DPYSL5: variants seen among roughly 807,000 people sequenced by gnomAD.
The protein encoded by DPYSL5 is dihydropyrimidinase-related protein 5.
In DPYSL5, 9 loss-of-function variants were observed where a neutral mutation model predicts 58.4. That is an observed-to-expected ratio of 0.15 (90% confidence interval 0.09 to 0.27). DPYSL5 has a LOEUF of 0.27. Among genes scored for constraint, DPYSL5 ranks in the 10% least tolerant of loss-of-function variants. The probability of loss-of-function intolerance (pLI) is 1.00; values close to 1 mark genes in which losing one functional copy is unlikely to be tolerated. For missense variants in DPYSL5, 499 were observed against 770.6 expected (o/e 0.65, Z 4.17); for synonymous variants, 293 against 301.9 (o/e 0.97, Z 0.31).
intron 1 of DPYSL5, among the ~76,000 whole-genome samples, chr2:26,866,826 G>A (rs1666155109): frequency 6.6e-6 from 1 of 151,056 alleles, no homozygotes; most frequent in South Asian, 2.1e-4. Flanking sequence ...CCGTCTCCCG[G>A]GTTCAAGTGA....
rs1008928857 is a variant in DPYSL5, at chr2:26,849,090, A to C, written c.-5+836A>C. Reference sequence around the variant, plus strand: ...GCTGGGGAGCTGGGTTAGGACAGGTAGTGGGTCTCGGGGAGCAGGGAGTGG... The same window carrying C: ...GCTGGGGAGCTGGGTTAGGACAGGTCGTGGGTCTCGGGGAGCAGGGAGTGG... On this transcript the variant is annotated intron_variant, in intron 1 of 12. Transcript: ENST00000288699. The surrounding 1 kb of genome is among the most constrained non-coding windows in gnomAD (Gnocchi z 6.2). Among the ~76,000 whole-genome samples the C allele has an allele frequency of 7.7e-6, 1 of 129,570 alleles. No individual in the cohort carries two copies. The highest frequency in any genetic ancestry group is 1.6e-5 in the Non-Finnish European group (1 of 60,976). The allele number at this position is 129,570 out of a possible 152,430, so 85.0% of individuals were successfully genotyped here.
chr2:26,924,477 A>G lies in DPYSL5; in HGVS notation c.262-410A>G, dbSNP rs1664778057. Among the ~76,000 whole-genome samples, 1 of 150,716 alleles carries G rather than the reference A, an allele frequency of 6.6e-6. No individual in the cohort carries two copies. Among genetic ancestry groups the G allele is most frequent in the Non-Finnish European group, 1.5e-5 (1 of 66,914 alleles). ...GACATTTGATTATGCCATCAATATT[A>G]TGTTATTATATGATACAACACTATA... On this transcript the variant is annotated intron_variant, in intron 2 of 12. Transcript: ENST00000288699. The surrounding 1 kb of genome is among the most constrained non-coding windows in gnomAD (Gnocchi z 4.7).
intron 1 of DPYSL5, among the ~76,000 whole-genome samples, chr2:26,882,429 CTGTGTGTGTGTGTGTG>C (rs145178218): frequency 6.8e-6 from 1 of 146,210 alleles, no homozygotes; most frequent in Non-Finnish European, 1.5e-5. Flanking sequence ...GTGTGTGTGT[CTGTGTGTGTGTGTGTG>C]TGTGTGTGTG....
rs1663941793 is a variant in DPYSL5 at position 26,893,592 on chromosome 2, A to G, written c.-4-4904A>G. Among the ~76,000 whole-genome samples the G allele has an allele frequency of 2.6e-5, 4 of 152,294 alleles. No individual in the cohort carries two copies. In the South Asian group the frequency reaches 8.3e-4, roughly 32 times the overall value. On this transcript the variant is annotated intron_variant, in intron 1 of 12. Transcript: ENST00000288699. ...CTACTCATTGCTTTAAACCATTTTGATTGTGTTAGAGTGCAACAAGTAGAT... is the reference window on the plus strand; with the variant it reads ...CTACTCATTGCTTTAAACCATTTTGGTTGTGTTAGAGTGCAACAAGTAGAT...
intron 1 of DPYSL5, among the ~76,000 whole-genome samples, chr2:26,878,138 A>G (rs1663459757): frequency 6.6e-6 from 1 of 152,264 alleles, no homozygotes; most frequent in South Asian, 2.1e-4. Context: ...TTAACAACAT[A>G]TAAGAATGCG....
At chr2:26,907,804 T>C (rs1487772973) in intron 2 of DPYSL5, among the ~76,000 whole-genome samples, 1 of 152,210 alleles carries the variant, frequency 6.6e-6, no homozygotes, top group Non-Finnish European at 1.5e-5. Flanking sequence ...GGCTTTCAAA[T>C]TGTTTCCCAT....
Position 26,860,612 on chromosome 2 carries a change from A to G in DPYSL5, c.-5+12358A>G, listed in dbSNP as rs191380456. Among the ~76,000 whole-genome samples the G allele has an allele frequency of 3.9e-5, 6 of 152,334 alleles. No individual in the cohort carries two copies. In the South Asian group the frequency reaches 6.2e-4, roughly 16 times the overall value. ...CTGTTATTGCAGCACTATTTGTACTAGGAAAAAATTAGACATGACCTATCA... is the reference window on the plus strand; with the variant it reads ...CTGTTATTGCAGCACTATTTGTACTGGGAAAAAATTAGACATGACCTATCA... On this transcript the variant is annotated intron_variant, in intron 1 of 12. Transcript: ENST00000288699.
At chr2:26,888,174 CTCTT>C (rs754980957) in intron 1 of DPYSL5, among the ~76,000 whole-genome samples, 28 of 152,072 alleles carry the variant, frequency 1.8e-4, no homozygotes, top group South Asian at 6.2e-4. Flanking sequence ...TTCTTTCTTT[CTCTT>C]TCTTTCTTTT....
Position 26,933,346 on chromosome 2 carries a change from A to T in DPYSL5, c.790+13A>T. ...GCTAAGATGCAAGGTGAGTCCATAG[A>T]CTTGGCTGGACAGAGCAGGTCAAGT... On this transcript the variant is annotated intron_variant, in intron 7 of 12. Transcript: ENST00000288699. This position sits in a 1 kb window ranked among gnomAD's most constrained non-coding sequence, Gnocchi z 4.2. 2 of 1,612,996 alleles carry T rather than the reference A, an allele frequency of 1.2e-6. No homozygotes were observed. The highest frequency in any genetic ancestry group is 4.5e-5 in the East Asian group (2 of 44,848).
At chr2:26,932,526 G>A (rs1381011995) in intron 6 of DPYSL5, among the ~76,000 whole-genome samples, 1 of 152,206 alleles carries the variant, frequency 6.6e-6, no homozygotes, top group African/African-American at 2.4e-5. Flanking sequence ...TTAGAGCTCT[G>A]GCCGCTGGAC....
rs575667363 is a variant in DPYSL5, at chr2:26,932,123, G to A, written c.714+439G>A. 6.0e-4 allele frequency among the ~76,000 whole-genome samples: 64 copies of A among 106,022 alleles called. 1 individual carries two copies. The highest frequency in any genetic ancestry group is 0.011 in the Middle Eastern group (2 of 182). 69.6% of individuals were successfully genotyped at this position (106,022 alleles called of 152,430 possible). ...AGAAAGAAAGAAAAGAAAAAAGAAA[G>A]AGAAAGAAAGAAAGAGAAAGAAAGA... On this transcript the variant is annotated intron_variant, in intron 6 of 12. Transcript: ENST00000288699.
In DPYSL5 at chr2:26,899,179, A is replaced by G. The variant is rs528705310; in HGVS notation, c.261+419A>G. Among the ~76,000 whole-genome samples, 4 of 152,292 alleles carry G rather than the reference A, an allele frequency of 2.6e-5. No homozygotes were observed. In the South Asian group the frequency reaches 8.3e-4, roughly 32 times the overall value. On this transcript the variant is annotated intron_variant, in intron 2 of 12. Coordinates refer to ENST00000288699, the MANE Select transcript of DPYSL5 (RefSeq NM_020134.4). ...ACTGAAAGACAAATTTGCTTCTTCT[A>G]GAGGATGAGACAGCTTCTATTACCT...
intron 8 of DPYSL5, chr2:26,938,995 GC>G (rs2148173208): frequency 6.6e-6 from 1 of 152,484 alleles, no homozygotes; most frequent in South Asian, 2.1e-4. Context: ...CTGAATCCAG[GC>G]CACCTGCCTG....
At chr2:26,901,046 C>G (rs1664143965) in intron 2 of DPYSL5, among the ~76,000 whole-genome samples, 1 of 152,126 alleles carries the variant, frequency 6.6e-6, no homozygotes, top group Non-Finnish European at 1.5e-5. Flanking sequence ...AACTCTTGAT[C>G]TTTTCTGCTT....
rs1665425620 is a variant in DPYSL5 at position 26,944,814 on chromosome 2, C to T, written c.1599C>T (p.Phe533=). Residue 533 remains phenylalanine (F), a synonymous_variant, in exon 12 of 13, where the codon TTC becomes TTT. Coordinates refer to ENST00000288699, the MANE Select transcript of DPYSL5 (RefSeq NM_020134.4). This position sits in a 1 kb window ranked among gnomAD's most constrained non-coding sequence, Gnocchi z 4.4. ...TGAGGGACCTTCACGAATCCAGCTT[C>T]AGCCTCTCTGGTAAGAGTCAGGGGG... is the stretch of plus-strand genomic sequence containing the variant. The part of the protein sequence containing the change: ...GGMRDLHESS[F]SLSGSQIDDH... The T allele has an allele frequency of 6.2e-7, 1 of 1,614,082 alleles. No individual in the cohort carries two copies. The highest frequency in any genetic ancestry group is 1.3e-5 in the African/African-American group (1 of 75,048).
At chr2:26,912,193 C>T (rs931780714) in intron 2 of DPYSL5, among the ~76,000 whole-genome samples, 1 of 152,234 alleles carries the variant, frequency 6.6e-6, no homozygotes, top group Non-Finnish European at 1.5e-5. Flanking sequence ...TATCATCCTT[C>T]CTTTGCAGGC....
chr2:26,913,671 A>C (rs1463704829), intron 2 of DPYSL5, among the ~76,000 whole-genome samples: 2 of 152,208 alleles, frequency 1.3e-5, no homozygotes, highest in Non-Finnish European at 2.9e-5. Flanking sequence ...GTAGGCTGTC[A>C]GTAAATGTTA....
chr2:26,886,742 T>C (rs1021355171), intron 1 of DPYSL5, among the ~76,000 whole-genome samples: 5 of 152,318 alleles, frequency 3.3e-5, no homozygotes, highest in Non-Finnish European at 7.3e-5. Context: ...TGATTTGGCA[T>C]GTTTCAACTC....
chr2:26,853,232 G>A (rs2148102300), intron 1 of DPYSL5, among the ~76,000 whole-genome samples: 1 of 152,296 alleles, frequency 6.6e-6, no homozygotes, highest in South Asian at 2.1e-4. Context: ...TGGCGTGGCT[G>A]GTGAGGAGCT....
Sources: allele counts gnomAD v4.1 joint callset (sites outside exome capture counted in the v4.1 genomes callset), GRCh38; gene constraint gnomAD v4.1.1; non-coding constraint Gnocchi (gnomAD v3.1); transcripts MANE v1.5; gene names NCBI Gene and HGNC (gene_info 2026-07-23, HGNC 2026-07-21).